LRP1B: variants seen among roughly 807,000 people sequenced by gnomAD.
LRP1B encodes LDL receptor related protein 1B, also known as low-density lipoprotein receptor-related protein 1B.
In LRP1B, 217 loss-of-function variants were observed where a neutral mutation model predicts 556.6. The ratio of observed to expected loss-of-function variants is 0.39; its 90% CI spans 0.35 to 0.44. LRP1B has a LOEUF of 0.44. LRP1B is among the 20% of genes least tolerant of loss of function. The pLI is 1.00. For synonymous variants in LRP1B, 2,047 were observed against 1,865.8 expected, an observed-to-expected ratio of 1.10 and a Z score of -2.50; for missense variants, 5,053 against 5,620.8, an observed-to-expected ratio of 0.90 and a Z score of 3.23.
chr2:142,084,978 A>G (rs573948180), intron 1 of LRP1B, among the ~76,000 whole-genome samples: 29 of 152,186 alleles, frequency 1.9e-4, no homozygotes, highest in Non-Finnish European at 3.4e-4. Flanking sequence ...CAATCTGTCA[A>G]TGGTTCCTAG....
At chr2:141,495,354 T>G (rs1683474757) in intron 2 of LRP1B, among the ~76,000 whole-genome samples, 3 of 152,042 alleles carry the variant, frequency 2.0e-5, no homozygotes, top group African/African-American at 7.2e-5. Context: ...CTCATACCCA[T>G]GGTAATGAGC....
intron 22 of LRP1B, among the ~76,000 whole-genome samples, chr2:140,907,309 C>T (rs1292003424): frequency 6.6e-6 from 1 of 152,006 alleles, no homozygotes; most frequent in Non-Finnish European, 1.5e-5. Context: ...TGCTAGTCAA[C>T]GTGATTTCAA....
chr2:141,733,435 A>G (rs748417848), intron 2 of LRP1B, among the ~76,000 whole-genome samples: 2 of 152,054 alleles, frequency 1.3e-5, no homozygotes, highest in Non-Finnish European at 2.9e-5. Context: ...TCACCTGACT[A>G]TTATAGCCTT....
intron 1 of LRP1B, among the ~76,000 whole-genome samples, chr2:141,824,729 A>G (rs1424574500): frequency 6.6e-6 from 1 of 152,110 alleles, no homozygotes; most frequent in Non-Finnish European, 1.5e-5. Context: ...ACAGGCCTCA[A>G]TGCTTTGTAC....
chr2:141,839,001 G>A (rs1697378963), intron 1 of LRP1B, among the ~76,000 whole-genome samples: 1 of 152,164 alleles, frequency 6.6e-6, no homozygotes, highest in African/African-American at 2.4e-5. Flanking sequence ...TTTGGAAAAG[G>A]AGAGGACATT....
At chr2:141,480,765 A>G (rs777407898) in intron 2 of LRP1B, among the ~76,000 whole-genome samples, 1 of 152,224 alleles carries the variant, frequency 6.6e-6, no homozygotes, top group Non-Finnish European at 1.5e-5. Context: ...CATTAAAAAC[A>G]TAAATATTCT....
intron 31 of LRP1B, among the ~76,000 whole-genome samples, chr2:140,831,018 C>A (rs1691695732): frequency 6.6e-6 from 1 of 151,976 alleles, no homozygotes; most frequent in Non-Finnish European, 1.5e-5. Flanking sequence ...AAGATCCCTA[C>A]AAAGAAAACA....
At chr2:142,048,718 T>C (rs890447283) in intron 1 of LRP1B, among the ~76,000 whole-genome samples, 17 of 151,992 alleles carry the variant, frequency 1.1e-4, no homozygotes, top group Non-Finnish European at 2.1e-4. Context: ...ATTCTTCATT[T>C]CCAAGGCAAA....
chr2:141,971,512 T>A (rs1701731665), intron 1 of LRP1B, among the ~76,000 whole-genome samples: 1 of 151,452 alleles, frequency 6.6e-6, no homozygotes. Context: ...TAATTTTGAA[T>A]TTAGCTTCTA....
chr2:140,295,688 G>T (rs550020967), intron 84 of LRP1B, among the ~76,000 whole-genome samples: 1 of 152,220 alleles, frequency 6.6e-6, no homozygotes, highest in Non-Finnish European at 1.5e-5. Context: ...CTTCTGTAAT[G>T]AGACTAAAAA....
chr2:141,086,346 T>C (rs1700046080), intron 7 of LRP1B, among the ~76,000 whole-genome samples: 1 of 152,162 alleles, frequency 6.6e-6, no homozygotes, highest in South Asian at 2.1e-4. Flanking sequence ...AAAGAAGAGC[T>C]TTTCCTTGTG....
chr2:140,881,708 C>T (rs1033050428), intron 25 of LRP1B, among the ~76,000 whole-genome samples: 18 of 152,072 alleles, frequency 1.2e-4, no homozygotes, highest in Non-Finnish European at 2.4e-4. Context: ...TTCATAGCAG[C>T]AATTAGTGAT....
intron 2 of LRP1B, among the ~76,000 whole-genome samples, chr2:141,787,136 G>C (rs568020174): frequency 1.3e-5 from 2 of 151,994 alleles, no homozygotes; most frequent in South Asian, 4.1e-4. Context: ...CTCACACATT[G>C]CTAGTAGGAA....
chr2:140,372,449 T>C (rs1374423838), intron 69 of LRP1B, among the ~76,000 whole-genome samples: 2 of 152,132 alleles, frequency 1.3e-5, no homozygotes, highest in Non-Finnish European at 2.9e-5. Context: ...TAAGATAATG[T>C]AATTAAAATA....
intron 1 of LRP1B, among the ~76,000 whole-genome samples, chr2:142,124,770 G>T (rs896607798): frequency 3.3e-5 from 5 of 151,870 alleles, no homozygotes; most frequent in South Asian, 2.1e-4. Flanking sequence ...AACAGCAAAA[G>T]CACATATGAT....
At chr2:140,918,368 T>C (rs1694642247) in intron 21 of LRP1B, among the ~76,000 whole-genome samples, 1 of 152,108 alleles carries the variant, frequency 6.6e-6, no homozygotes, top group African/African-American at 2.4e-5. Context: ...ATTAAACACA[T>C]TTAATAAAGC....
chr2:140,858,332 A>G (rs755168009), intron 27 of LRP1B, among the ~76,000 whole-genome samples: 1 of 152,060 alleles, frequency 6.6e-6, no homozygotes, highest in African/African-American at 2.4e-5. Flanking sequence ...TCTCATACCG[A>G]TAGTATATAA....
chr2:140,271,490 A>C (rs189938786), intron 85 of LRP1B, among the ~76,000 whole-genome samples: 1 of 152,084 alleles, frequency 6.6e-6, no homozygotes, highest in Admixed American at 6.6e-5. Context: ...GTTGACATGT[A>C]GTTCATTTAT....
At chr2:141,434,670 T>G (rs1353236683) in intron 3 of LRP1B, among the ~76,000 whole-genome samples, 1 of 152,190 alleles carries the variant, frequency 6.6e-6, no homozygotes, top group African/African-American at 2.4e-5. Flanking sequence ...TGCCTCATAA[T>G]TTATATTTTT....
Sources: allele counts gnomAD v4.1 joint callset (sites outside exome capture counted in the v4.1 genomes callset), GRCh38; gene constraint gnomAD v4.1.1; transcripts MANE v1.5; gene names NCBI Gene and HGNC (gene_info 2026-07-23, HGNC 2026-07-21).